SSUH2: variants seen among roughly 807,000 people sequenced by gnomAD.
SSUH2 encodes ssu-2 homolog, also known as protein SSUH2 homolog.
Under a neutral mutation model 55.3 loss-of-function variants are expected in SSUH2, and 47 were observed. That is an observed-to-expected ratio of 0.85 (90% confidence interval 0.67 to 1.08). The LOEUF is 1.08. SSUH2 is among the 50% of genes least tolerant of loss of function. The pLI is 0.00. For missense variants in SSUH2, 535 were observed against 490.7 expected (o/e 1.09, Z -0.85); for synonymous variants, 212 against 191.5 (o/e 1.11, Z -0.89).
At chr3:8,627,389 C>T in intron 8 of SSUH2, 1 of 297,710 alleles carries the variant, frequency 3.4e-6, no homozygotes, top group Non-Finnish European at 6.2e-6. Context: ...ATATTCACTT[C>T]CCAACCCGTG....
At chr3:8,643,417 G>T (rs1701190996) in intron 1 of SSUH2, among the ~76,000 whole-genome samples, 1 of 152,120 alleles carries the variant, frequency 6.6e-6, no homozygotes, top group Admixed American at 6.5e-5. Context: ...GAAGAAAAAA[G>T]ATTGCATTAG....
intron 5 of SSUH2, among the ~76,000 whole-genome samples, chr3:8,631,814 G>A (rs972667710): frequency 2.6e-5 from 4 of 152,004 alleles, no homozygotes; most frequent in Admixed American, 2.0e-4. Context: ...AAAAGCAAAT[G>A]CTTGGCTTTT....
At chr3:8,671,620 T>C (rs1273059273) in intron 4 of SSUH2, among the ~76,000 whole-genome samples, 1 of 152,136 alleles carries the variant, frequency 6.6e-6, no homozygotes, top group Non-Finnish European at 1.5e-5. Context: ...CTCAAGTGTG[T>C]AGAGTCCTGT....
In SSUH2 at chr3:8,651,814, C is replaced by A. The variant is rs116227970; in HGVS notation, c.-307+7111G>T. Among the ~76,000 whole-genome samples the A allele has an allele frequency of 8.4e-3, 1,280 of 152,256 alleles. 23 individuals carry two copies. The highest frequency in any genetic ancestry group is 0.029 in the African/African-American group (1,219 of 41,546). Reference sequence around the variant, plus strand: ...CCATGGCTCCACCCTAATTCTCTTTCTCCCCATGCCAGCTCCTCCCCTCCT... The same window carrying A: ...CCATGGCTCCACCCTAATTCTCTTTATCCCCATGCCAGCTCCTCCCCTCCT... On this transcript the variant is annotated intron_variant, in intron 7 of 18. Coordinates refer to the SSUH2 transcript ENST00000317371.
upstream of SSUH2, among the ~76,000 whole-genome samples, chr3:8,648,995 C>G (rs1403241701): frequency 6.6e-6 from 1 of 152,154 alleles, no homozygotes; most frequent in Non-Finnish European, 1.5e-5. Context: ...AAGCCCTTCC[C>G]TGACTCACCC....
chr3:8,621,190 C>G (rs1393870802), intron 11 of SSUH2, among the ~76,000 whole-genome samples: 1 of 152,230 alleles, frequency 6.6e-6, no homozygotes, highest in Non-Finnish European at 1.5e-5. Flanking sequence ...TTCTTCTGCA[C>G]AAGATGTTCC....
chr3:8,631,177 T>G (rs185479365), intron 5 of SSUH2, among the ~76,000 whole-genome samples: 100 of 152,280 alleles, frequency 6.6e-4, no homozygotes, highest in African/African-American at 2.3e-3. Context: ...AGAAGTTTCT[T>G]ACCCTCTCTG....
At chr3:8,626,342 G>A (rs77682608) in intron 8 of SSUH2, 21 bp from the exon 9 acceptor site, 197 of 1,603,284 alleles carry the variant, frequency 1.2e-4, no homozygotes, top group East Asian at 9.8e-4. Context: ...CACAGAGTCC[G>A]TACCCCCAGA....
chr3:8,624,368 A>G (rs1317537753), intron 10 of SSUH2, among the ~76,000 whole-genome samples: 1 of 152,252 alleles, frequency 6.6e-6, no homozygotes, highest in Non-Finnish European at 1.5e-5. Flanking sequence ...AGCTGCCAGC[A>G]GCCAGTGACG....
intron 3 of SSUH2, among the ~76,000 whole-genome samples, chr3:8,675,035 C>G (rs189613577): frequency 6.6e-6 from 1 of 152,180 alleles, no homozygotes; most frequent in African/African-American, 2.4e-5. Context: ...CCATGGAACA[C>G]TCCCCTCCTG....
At chr3:8,633,625 A>G (rs1699316999) in intron 4 of SSUH2, 41 bp downstream of exon 4, 1 of 1,470,692 alleles carries the variant, frequency 6.8e-7, no homozygotes, top group Non-Finnish European at 9.0e-7. Context: ...CCAGCTCCCC[A>G]GCCCCCCGGC....
At chr3:8,648,799 T>C (rs954514788), upstream of SSUH2, among the ~76,000 whole-genome samples, 2 of 152,104 alleles carry the variant, frequency 1.3e-5, no homozygotes, top group Non-Finnish European at 2.9e-5. Flanking sequence ...CCTGGATACA[T>C]CGCAGCTCCA....
At chr3:8,629,540 A>T in intron 7 of SSUH2, 124 bp downstream of exon 7, 1 of 781,132 alleles carries the variant, frequency 1.3e-6, no homozygotes. Context: ...GAAAGGGAGG[A>T]TGACTTGGCT....
At chr3:8,653,990 G>A (rs1156445765) in intron 7 of SSUH2, among the ~76,000 whole-genome samples, 8 of 152,186 alleles carry the variant, frequency 5.3e-5, no homozygotes, top group Non-Finnish European at 1.0e-4. Flanking sequence ...CAAACAGCAG[G>A]CACTTGTATT....
At chr3:8,677,154 C>A (rs564733938) in intron 3 of SSUH2, 31 of 151,956 alleles carry the variant, frequency 2.0e-4, no homozygotes, top group Non-Finnish European at 3.6e-4. Flanking sequence ...AGCCCCTCTT[C>A]CCCCCCTTGC....
chr3:8,651,261 C>T (rs112204773), intron 7 of SSUH2, among the ~76,000 whole-genome samples: 62 of 152,308 alleles, frequency 4.1e-4, no homozygotes, highest in African/African-American at 1.4e-3. Context: ...ATAAATGCTT[C>T]GGGATCCAGC....
intron 2 of SSUH2, among the ~76,000 whole-genome samples, chr3:8,679,444 G>GGT (rs1705795221): frequency 7.7e-6 from 1 of 130,502 alleles, no homozygotes; most frequent in Non-Finnish European, 1.7e-5. Flanking sequence ...CCCCATCACA[G>GGT]CGGGGGGAGG....
At chr3:8,629,381 G>A (rs193293224) in intron 7 of SSUH2, 554 of 449,562 alleles carry the variant, frequency 1.2e-3, no homozygotes, top group African/African-American at 0.01. Context: ...ACAGGACCTA[G>A]AGGTCAGAGC....
chr3:8,642,013 C>T (rs79189959), intron 1 of SSUH2, among the ~76,000 whole-genome samples: 1,862 of 152,170 alleles, frequency 0.012, 34 homozygotes, highest in African/African-American at 0.042. Context: ...CCCCTGTGGA[C>T]GGGGGTCCAC....
Sources: gnomAD v4.1 joint callset for allele counts (sites outside exome capture counted in the v4.1 genomes callset) on GRCh38, gnomAD v4.1.1 for gene constraint, MANE v1.5 for transcripts, NCBI Gene and HGNC (gene_info 2026-07-23, HGNC 2026-07-21) for gene names.